Variants in HEMK1 observed in about 807,000 individuals in gnomAD.
HEMK1 encodes the protein HemK methyltransferase 1, mitochondrial release factors N(5)-glutamine.
A neutral mutation model predicts 47.9 loss-of-function variants in HEMK1; 36 were observed. That is an observed-to-expected ratio of 0.75 (90% CI 0.58 to 0.99). The LOEUF is 0.99. HEMK1 is among the 50% of genes least tolerant of loss of function. The pLI is 0.00. For synonymous variants in HEMK1, 153 were observed against 165.4 expected (o/e 0.93, Z 0.57); for missense variants, 383 against 434.5 (o/e 0.88, Z 1.05).
In HEMK1 at chr3:50,571,025, C is replaced by G; in HGVS notation, c.-80C>G. 8.7e-7 allele frequency: 1 copy of G among 1,154,340 alleles called. No individual in the cohort carries two copies. The highest frequency in any genetic ancestry group is 1.2e-6 in the Non-Finnish European group (1 of 813,460). The allele number at this position is 1,154,340 out of a possible 1,614,324, so 71.5% of individuals were successfully genotyped here. A position where few individuals can be genotyped will look rare whatever the true frequency, so the allele number is the denominator to read the frequency against. Reference sequence around the variant, plus strand: ...CACCCAGCTGGGTCCAGGGGCCACTCTCAGCACTCACCTCAGCAGCTGACA... The same window carrying G: ...CACCCAGCTGGGTCCAGGGGCCACTGTCAGCACTCACCTCAGCAGCTGACA... On this transcript the variant is annotated 5_prime_UTR_variant, in exon 2 of 11. Transcript: ENST00000232854.
Position 50,571,039 on chromosome 3 carries a change from C to T in HEMK1, c.-66C>T, listed in dbSNP as rs377257310. On this transcript the variant is annotated 5_prime_UTR_variant, in exon 2 of 11. Transcript: ENST00000232854. ...CAGGGGCCACTCTCAGCACTCACCT[C>T]AGCAGCTGACATCATAAAGCAGACT... 2.1e-4 allele frequency: 268 copies of T among 1,291,920 alleles called. 2 individuals carry two copies. The South Asian group carries it at 3.4e-3, about 17-fold the overall frequency. 80.0% of individuals were successfully genotyped at this position (1,291,920 alleles called of 1,614,324 possible).
chr3:50,572,253 G>A (rs1433291752), intron 4 of HEMK1, 45 bp downstream of exon 4: 1 of 1,571,928 alleles, frequency 6.4e-7, no homozygotes, highest in Non-Finnish European at 8.7e-7. Flanking sequence ...TGATGGTGGA[G>A]TTCAGGGCAC....
At chr3:50,580,047 G>GC in intron 9 of HEMK1, 69 bp from the exon 10 acceptor site, 1 of 1,538,234 alleles carries the variant, frequency 6.5e-7, no homozygotes. Context: ...CACCTCGCCA[G>GC]CCCAAGCAGC....
Position 50,571,111 on chromosome 3 carries a change from C to A in HEMK1, c.7C>A (p.Leu3Ile). The A allele has an allele frequency of 6.3e-7, 1 of 1,589,656 alleles. No homozygotes were observed. Among genetic ancestry groups the A allele is most frequent in the Non-Finnish European group, 8.6e-7 (1 of 1,168,222 alleles). The change falls in exon 2 of 11, where the codon CTT becomes ATT. Residue 3 changes from leucine (L) to isoleucine (I), a missense_variant. Coordinates refer to ENST00000232854, the MANE Select transcript of HEMK1 (RefSeq NM_016173.5). The part of the protein sequence containing the change: ME[L>I]WGRMLWALLS... Reference sequence around the variant, plus strand: ...GAGAACCTTTCCCTGAGACATGGAGCTTTGGGGCCGAATGCTGTGGGCCCT... The same window carrying A: ...GAGAACCTTTCCCTGAGACATGGAGATTTGGGGCCGAATGCTGTGGGCCCT...
upstream of HEMK1, chr3:50,569,515 G>A (rs1700636578): frequency 6.7e-6 from 1 of 150,176 alleles, no homozygotes; most frequent in South Asian, 2.1e-4. Context: ...CGCACGTCCG[G>A]GCGTCCAGTT....
chr3:50,593,311 A>C lies in HEMK1; in HGVS notation c.*12894A>C, dbSNP rs1318954703. 6.6e-6 allele frequency: 1 copy of C among 152,208 alleles called. No individual in the cohort carries two copies. Among genetic ancestry groups the C allele is most frequent in the African/African-American group, 2.4e-5 (1 of 41,428 alleles). The allele number at this position is 152,208 out of a possible 1,614,324, so 9.4% of individuals were successfully genotyped here. A position where few individuals can be genotyped will look rare whatever the true frequency, so the allele number is the denominator to read the frequency against. ...AGCTTGCGTCCATCCCCTAGTGCAG[A>C]GGGCTAGTTTAGGGAAGGACATTAG... On this transcript the variant is annotated 3_prime_UTR_variant, in exon 11 of 11. Transcript: ENST00000232854.
At chr3:50,577,686 A>G in intron 6 of HEMK1, 113 bp downstream of exon 6, 4 of 1,346,944 alleles carry the variant, frequency 3.0e-6, no homozygotes, top group East Asian at 4.6e-5. Context: ...GTAGCCTGGC[A>G]TGGGTCCCAT....
rs139853420 is a variant in HEMK1, at chr3:50,579,107, C to A, written c.770+181C>A. 1.6e-4 allele frequency among the ~76,000 whole-genome samples: 25 copies of A among 152,316 alleles called. 1 individual carries two copies. Among genetic ancestry groups the A allele is most frequent in the East Asian group, 9.6e-4 (5 of 5,192 alleles). On this transcript the variant is annotated intron_variant, in intron 8 of 10. Coordinates refer to ENST00000232854, the MANE Select transcript of HEMK1 (RefSeq NM_016173.5). The stretch of plus-strand genomic sequence containing the variant: ...AGATTCAGCTTCTACCTTCCTACTT[C>A]CTTACTTCCTACTAAAACTACTGGA...
At chr3:50,578,713 C>G in intron 7 of HEMK1, 108 bp from the exon 8 acceptor site, 3 of 715,484 alleles carry the variant, frequency 4.2e-6, no homozygotes, top group South Asian at 1.8e-5. Flanking sequence ...GATCCAGAGG[C>G]AGGCCCAAGG....
In HEMK1 at chr3:50,572,979, C is replaced by T. The variant is rs546205177; in HGVS notation, c.414+771C>T. Among the ~76,000 whole-genome samples, 9 of 152,302 alleles carry T rather than the reference C, an allele frequency of 5.9e-5. No homozygotes were observed. The East Asian group carries it at 1.5e-3, about 26-fold the overall frequency. Reference sequence around the variant, plus strand: ...CTGAGAAGGAGTGTTTCTAGAAAGACCTAGGCACACAAACATTTCTGGGAA... The same window carrying T: ...CTGAGAAGGAGTGTTTCTAGAAAGATCTAGGCACACAAACATTTCTGGGAA... On this transcript the variant is annotated intron_variant, in intron 4 of 10. Coordinates refer to ENST00000232854, the MANE Select transcript of HEMK1 (RefSeq NM_016173.5).
At chr3:50,578,550 T>C (rs2030181369) in intron 7 of HEMK1, among the ~76,000 whole-genome samples, 1 of 152,250 alleles carries the variant, frequency 6.6e-6, no homozygotes, top group Non-Finnish European at 1.5e-5. Flanking sequence ...GCCCTGGAAG[T>C]GGCACTTGAA....
rs548530537 is a variant in HEMK1 at position 50,571,570 on chromosome 3, G to A, written c.229-140G>A. The A allele has an allele frequency of 3.2e-5, 27 of 834,828 alleles. No homozygotes were observed. In the African/African-American group the frequency reaches 4.0e-4, roughly 12 times the overall value. The allele number at this position is 834,828 out of a possible 1,614,324, so 51.7% of individuals were successfully genotyped here. A position where few individuals can be genotyped will look rare whatever the true frequency, so the allele number is the denominator to read the frequency against. On this transcript the variant is annotated intron_variant, in intron 2 of 10. Coordinates refer to ENST00000232854, the MANE Select transcript of HEMK1 (RefSeq NM_016173.5). ...GGTGTTAGCTGTGTAACCTTAGGCA[G>A]GATGCTGCCCCCTCTGGGCCCAGAT... is the stretch of plus-strand genomic sequence containing the variant.
chr3:50,575,196 G>C (rs1188792278), intron 4 of HEMK1, among the ~76,000 whole-genome samples: 1 of 152,156 alleles, frequency 6.6e-6, no homozygotes, highest in Non-Finnish European at 1.5e-5. Flanking sequence ...GCTGAGGCGG[G>C]TAGATCACCT....
In HEMK1 at chr3:50,596,079, C is replaced by T. The variant is rs1457217813; in HGVS notation, c.*15662C>T. On this transcript the variant is annotated 3_prime_UTR_variant, in exon 11 of 11. Coordinates refer to ENST00000232854, the MANE Select transcript of HEMK1 (RefSeq NM_016173.5). ...ACTGGAAATTGTGCTTTGTCTGTTA[C>T]CACTCTCTTCTAATCTGCCTGTGGC... 1.3e-5 allele frequency: 2 copies of T among 152,314 alleles called. No homozygotes were observed. Among genetic ancestry groups the T allele is most frequent in the East Asian group, 3.9e-4 (2 of 5,192 alleles). 9.4% of individuals were successfully genotyped at this position (152,314 alleles called of 1,614,324 possible).
rs1265141676 is a variant in HEMK1, at chr3:50,578,827, G to A, written c.671G>A (p.Ser224Asn). 1.4e-5 allele frequency: 22 copies of A among 1,611,292 alleles called. No individual in the cohort carries two copies. Among genetic ancestry groups the A allele is most frequent in the Admixed American group, 3.3e-5 (2 of 59,826 alleles). Residue 224 changes from serine to asparagine, a missense_variant, in exon 8 of 11, where the codon AGC becomes AAC. Physicochemically the swap from Ser to Asn is conservative, Grantham distance 46 (BLOSUM62 1). Coordinates refer to ENST00000232854, the MANE Select transcript of HEMK1 (RefSeq NM_016173.5). ...TCCTCTTCTTTGACGACAGAAAGGAGCTGGACACACCTGCCCTGGGGCCCC... is the reference window on the plus strand; with the variant it reads ...TCCTCTTCTTTGACGACAGAAAGGAACTGGACACACCTGCCCTGGGGCCCC... ...IIHLDMTSER[S>N]WTHLPWGPMD...
In HEMK1 at chr3:50,591,585, C is replaced by G. The variant is rs1394891812; in HGVS notation, c.*11168C>G. ...GGCCAACTGGGTCCATGTCCATAAT[C>G]ATAGGTGTCCACGCAGGGCCTCCCT... On this transcript the variant is annotated 3_prime_UTR_variant, in exon 11 of 11. Transcript: ENST00000232854. The G allele has an allele frequency of 6.5e-6, 1 of 152,698 alleles. No individual in the cohort carries two copies. The highest frequency in any genetic ancestry group is 1.5e-5 in the Non-Finnish European group (1 of 68,410). 9.5% of individuals were successfully genotyped at this position (152,698 alleles called of 1,614,324 possible).
At chr3:50,570,758 ATG>A (rs1320031399) in intron 1 of HEMK1, 171 bp from the exon 2 acceptor site, 1 of 200,162 alleles carries the variant, frequency 5.0e-6, no homozygotes, top group Non-Finnish European at 1.0e-5. Flanking sequence ...CCAGCTAAAA[ATG>A]TGAAGAAAAC....
rs747314666 is a variant in HEMK1, at chr3:50,577,192, C to T, written c.549+6C>T. The T allele has an allele frequency of 4.4e-6, 7 of 1,606,522 alleles. No individual in the cohort carries two copies. Among genetic ancestry groups the T allele is most frequent in the Non-Finnish European group, 5.9e-6 (7 of 1,177,702 alleles). ...TGCTGAGCCAGCTCCCCCAGGTGAG[C>T]CCCTCCACCCACTCTGGATAGACTG... On this transcript the variant is annotated splice_donor_region_variant and intron_variant, in intron 5 of 10. Coordinates refer to ENST00000232854, the MANE Select transcript of HEMK1 (RefSeq NM_016173.5).
chr3:50,577,972 AACAGCCAC>A (rs2029992799), intron 7 of HEMK1, 97 bp downstream of exon 7: 1 of 1,080,702 alleles, frequency 9.3e-7, no homozygotes, highest in South Asian at 1.3e-5. Flanking sequence ...GAGCTCCCCC[AACAGCCAC>A]ACAGCCACAC....
Sources: allele counts gnomAD v4.1 joint callset (sites outside exome capture counted in the v4.1 genomes callset), GRCh38; gene constraint gnomAD v4.1.1; transcripts MANE v1.5; gene names NCBI Gene and HGNC (gene_info 2026-07-23, HGNC 2026-07-21).